Variants in CMIP observed in about 807,000 individuals in gnomAD.
The protein encoded by CMIP is C-Maf-inducing protein.
In CMIP, 13 loss-of-function variants were observed where a neutral mutation model predicts 97.3. The ratio of observed to expected loss-of-function variants is 0.13; its 90% confidence interval spans 0.09 to 0.21. CMIP has a LOEUF of 0.21. Among genes scored for constraint, CMIP ranks in the 10% least tolerant of loss-of-function variants. CMIP has a pLI of 1.00. For synonymous variants in CMIP, 538 were observed against 436.3 expected, an observed-to-expected ratio of 1.23 and a Z score of -2.91; for missense variants, 847 against 1,024.9, an observed-to-expected ratio of 0.83 and a Z score of 2.37.
intron 3 of CMIP, among the ~76,000 whole-genome samples, chr16:81,637,357 G>A (rs1722625419): frequency 1.3e-5 from 2 of 152,192 alleles, no homozygotes; most frequent in Non-Finnish European, 2.9e-5. Context: ...ACAGGTGTGA[G>A]CCACGGTGCC....
chr16:81,540,959 T>TGTGA (rs1426031737), intron 1 of CMIP, among the ~76,000 whole-genome samples: 2 of 150,918 alleles, frequency 1.3e-5, no homozygotes, highest in Non-Finnish European at 3.0e-5. Context: ...GGATTACAGG[T>TGTGA]GTGAGCCACT....
chr16:81,674,024 C>A (rs1192593187), intron 9 of CMIP, among the ~76,000 whole-genome samples: 2 of 152,148 alleles, frequency 1.3e-5, no homozygotes, highest in African/African-American at 4.8e-5. Context: ...TTCGGAGGGG[C>A]AGGAAAAGGC....
intron 3 of CMIP, among the ~76,000 whole-genome samples, chr16:81,651,706 C>T (rs753593712): frequency 3.9e-5 from 6 of 152,130 alleles, no homozygotes; most frequent in South Asian, 4.1e-4. Flanking sequence ...GCAGAAGATA[C>T]GATCTAAAAG....
At chr16:81,479,928 T>C (rs1413857198) in intron 1 of CMIP, among the ~76,000 whole-genome samples, 2 of 152,182 alleles carry the variant, frequency 1.3e-5, no homozygotes, top group Admixed American at 6.5e-5. Flanking sequence ...TGATGAAAGC[T>C]TGGATTTCTT....
chr16:81,513,744 A>T (rs1436388388), intron 1 of CMIP, among the ~76,000 whole-genome samples: 3 of 152,260 alleles, frequency 2.0e-5, no homozygotes, highest in Non-Finnish European at 2.9e-5. Flanking sequence ...CAAGGGACAC[A>T]GGCATGGCCC....
chr16:81,606,272 T>C (rs1239854223), intron 1 of CMIP, among the ~76,000 whole-genome samples: 1 of 152,210 alleles, frequency 6.6e-6, no homozygotes, highest in Non-Finnish European at 1.5e-5. Context: ...CTTGTCTATA[T>C]GATGGGATGA....
intron 10 of CMIP, among the ~76,000 whole-genome samples, chr16:81,686,119 C>A (rs538054753): frequency 6.6e-6 from 1 of 152,316 alleles, no homozygotes; most frequent in South Asian, 2.1e-4. Flanking sequence ...CATGGGCTGA[C>A]GCATGGGAGC....
intron 4 of CMIP, among the ~76,000 whole-genome samples, 155 bp from the exon 5 acceptor site, chr16:81,657,620 G>A (rs995406590): frequency 6.6e-6 from 1 of 152,112 alleles, no homozygotes; most frequent in Non-Finnish European, 1.5e-5. Flanking sequence ...GCCCCTGAGG[G>A]TGTTCTGATC....
At chr16:81,490,878 C>T (rs566699025) in intron 1 of CMIP, among the ~76,000 whole-genome samples, 38 of 152,244 alleles carry the variant, frequency 2.5e-4, no homozygotes, top group African/African-American at 8.9e-4. Flanking sequence ...GGGCAGGCAT[C>T]GAACTGGGTG....
intron 1 of CMIP, among the ~76,000 whole-genome samples, chr16:81,469,773 C>T (rs1907412857): frequency 6.6e-6 from 1 of 152,172 alleles, no homozygotes; most frequent in Non-Finnish European, 1.5e-5. Context: ...TTAAACTCTA[C>T]CTGGAAAATG....
chr16:81,535,217 T>G (rs1161481837), intron 1 of CMIP, among the ~76,000 whole-genome samples: 6 of 152,202 alleles, frequency 3.9e-5, no homozygotes, highest in Non-Finnish European at 7.3e-5. Flanking sequence ...CCCAAAGTGC[T>G]GGCATTACAG....
intron 1 of CMIP, among the ~76,000 whole-genome samples, chr16:81,534,639 C>T (rs890793088): frequency 7.4e-5 from 9 of 120,896 alleles, no homozygotes; most frequent in Admixed American, 1.6e-4. Context: ...GCAAACATTC[C>T]CCATAAAAAA....
At chr16:81,535,447 A>G (rs1465836879) in intron 1 of CMIP, among the ~76,000 whole-genome samples, 1 of 146,396 alleles carries the variant, frequency 6.8e-6, no homozygotes, top group African/African-American at 2.5e-5. Context: ...ACTTCTGCTC[A>G]TGGTATAGCA....
intron 1 of CMIP, among the ~76,000 whole-genome samples, chr16:81,527,696 T>C (rs2090159114): frequency 6.6e-6 from 1 of 152,254 alleles, no homozygotes; most frequent in African/African-American, 2.4e-5. Context: ...AGCAAATCAA[T>C]GCGTGTTCTT....
At chr16:81,560,983 C>T (rs557369063) in intron 1 of CMIP, among the ~76,000 whole-genome samples, 1 of 152,282 alleles carries the variant, frequency 6.6e-6, no homozygotes, top group South Asian at 2.1e-4. Context: ...TTTTTGGAGA[C>T]AGTCTCCGTC....
intron 1 of CMIP, among the ~76,000 whole-genome samples, chr16:81,462,521 C>T (rs1015385229): frequency 6.6e-6 from 1 of 152,006 alleles, no homozygotes; most frequent in African/African-American, 2.4e-5. Context: ...AAAAATGTTT[C>T]ATTAAGTAGA....
intron 3 of CMIP, chr16:81,631,927 C>G (rs1470148141): frequency 1.3e-5 from 2 of 152,208 alleles, no homozygotes; most frequent in Non-Finnish European, 2.9e-5. Flanking sequence ...CCCTAAGACA[C>G]AGAGCATTTA....
chr16:81,522,310 G>T (rs1567557611), intron 1 of CMIP, among the ~76,000 whole-genome samples: 1 of 152,160 alleles, frequency 6.6e-6, no homozygotes, highest in Non-Finnish European at 1.5e-5. Context: ...TGACACAGGA[G>T]GGACACAGCT....
intron 1 of CMIP, among the ~76,000 whole-genome samples, chr16:81,495,007 C>T (rs1263690066): frequency 6.6e-6 from 1 of 152,112 alleles, no homozygotes; most frequent in Non-Finnish European, 1.5e-5. Flanking sequence ...GAGATGGCAC[C>T]CACACACAAT....
Sources: allele counts gnomAD v4.1 joint callset (sites outside exome capture counted in the v4.1 genomes callset), GRCh38; gene constraint gnomAD v4.1.1; transcripts MANE v1.5; gene names NCBI Gene and HGNC (gene_info 2026-07-23, HGNC 2026-07-21).